Variants in TOP3B observed in about 807,000 individuals in gnomAD.
The protein encoded by TOP3B is DNA topoisomerase 3-beta-1.
TOP3B carries 45 observed loss-of-function variants against 93.9 expected under a neutral mutation model. The observed-to-expected ratio is 0.48, with a 90% CI of 0.38 to 0.61. TOP3B has a LOEUF of 0.61. Ranked by LOEUF, TOP3B falls within the 20% of genes least tolerant of loss-of-function variation. The pLI is 0.00. For missense variants in TOP3B, 750 were observed against 1,156.1 expected (o/e 0.65, Z 5.09); for synonymous variants, 357 against 472.6 (o/e 0.76, Z 3.17).
chr22:21,965,621 C>T, intron 8 of TOP3B: 1 of 254,554 alleles, frequency 3.9e-6, no homozygotes, highest in East Asian at 7.6e-5. Flanking sequence ...AATCCCAGTA[C>T]TTTGGGAGGC....
chr22:21,975,430 G>T, intron 2 of TOP3B: 1 of 486,824 alleles, frequency 2.1e-6, no homozygotes, highest in South Asian at 3.8e-5. Context: ...ATTGTAAATT[G>T]TGCCTTGTGC....
At chr22:21,964,124 C>A in intron 10 of TOP3B, 37 bp downstream of exon 10, 1 of 1,610,328 alleles carries the variant, frequency 6.2e-7, no homozygotes, top group Non-Finnish European at 8.5e-7. Flanking sequence ...GCCTCAGTGA[C>A]ACACACACAT....
rs1390973497 is a variant in TOP3B at position 21,963,773 on chromosome 22, G to C, written c.1204+150C>G. 4.2e-6 allele frequency: 3 copies of C among 721,774 alleles called. No individual in the cohort carries two copies. The African/African-American group carries it at 5.3e-5, about 13-fold the overall frequency. The allele number at this position is 721,774 out of a possible 1,614,324, so 44.7% of individuals were successfully genotyped here. ...CCTGTCCTGGTCCCATAGCAATGGA[G>C]CTCATCTTCCAGGTGGCCCCCCATC... is the stretch of plus-strand genomic sequence containing the variant. On this transcript the variant is annotated intron_variant, in intron 11 of 17. Coordinates refer to ENST00000357179, the MANE Select transcript of TOP3B (RefSeq NM_001282112.2). This position sits in a 1 kb window ranked among gnomAD's most constrained non-coding sequence, Gnocchi z 4.8.
intron 1 of TOP3B, among the ~76,000 whole-genome samples, chr22:21,980,184 A>G (rs1224548538): frequency 6.6e-6 from 1 of 152,288 alleles, no homozygotes; most frequent in East Asian, 1.9e-4. Context: ...CGCAAAACAA[A>G]CAGTCCAAGC....
intron 13 of TOP3B, chr22:21,961,730 G>T (rs1003407135): frequency 6.4e-6 from 1 of 157,298 alleles, no homozygotes; most frequent in African/African-American, 2.4e-5. Flanking sequence ...ACATCCCACA[G>T]GTCTCCAGAG....
chr22:21,973,843 C>T (rs751404647), intron 3 of TOP3B: 1 of 152,784 alleles, frequency 6.5e-6, no homozygotes, highest in Non-Finnish European at 1.5e-5. Context: ...CGTCATTGCC[C>T]ACATCCCCAG....
chr22:21,975,476 G>A (rs144362173), intron 2 of TOP3B, 164 bp downstream of exon 2: 5 of 705,280 alleles, frequency 7.1e-6, no homozygotes, highest in East Asian at 3.1e-5. Flanking sequence ...ATTGCCAGGA[G>A]TGGAAGCAAA....
chr22:21,968,746 T>A lies in TOP3B; in HGVS notation c.611A>T (p.Tyr204Phe), dbSNP rs1179265688. ...GATGAGAGAGCTGTCTAAATCACCG[T>A]ATTTCCCCTGGAAATATTTAGTCTG... The part of the protein sequence containing the change: ...RFQTKYFQGK[Y>F]GDLDSSLISF... The change falls in exon 7 of 18, where the codon TAC becomes TTC. Residue 204 changes from tyrosine to phenylalanine, a missense_variant. Tyr to Phe is a conservative substitution (Grantham distance 22). Transcript: ENST00000357179. 6.2e-7 allele frequency: 1 copy of A among 1,614,208 alleles called. No homozygotes were observed. Among genetic ancestry groups the A allele is most frequent in the African/African-American group, 1.3e-5 (1 of 75,062 alleles).
Position 21,971,179 on chromosome 22 carries a change from C to T in TOP3B, c.384+698G>A, listed in dbSNP as rs1219911583. On this transcript the variant is annotated intron_variant, in intron 5 of 17. Coordinates refer to ENST00000357179, the MANE Select transcript of TOP3B (RefSeq NM_001282112.2). This position sits in a 1 kb window ranked among gnomAD's most constrained non-coding sequence, Gnocchi z 4.6. Reference sequence around the variant, plus strand: ...TATCTGGGAAGAGACAGAGTGTGATCGCATTTGCTGAGGGTGCTGTACTGC... The same window carrying T: ...TATCTGGGAAGAGACAGAGTGTGATTGCATTTGCTGAGGGTGCTGTACTGC... 9 of 613,412 alleles carry T rather than the reference C, an allele frequency of 1.5e-5. No individual in the cohort carries two copies. The highest frequency in any genetic ancestry group is 6.6e-5 in the Admixed American group (2 of 30,518). 38.0% of individuals were successfully genotyped at this position (613,412 alleles called of 1,614,324 possible).
Position 21,963,792 on chromosome 22 carries a change from C to A in TOP3B, c.1204+131G>T, listed in dbSNP as rs564275007. 16 of 894,402 alleles carry A rather than the reference C, an allele frequency of 1.8e-5. No homozygotes were observed. In the East Asian group the frequency reaches 4.1e-4, roughly 23 times the overall value. The allele number at this position is 894,402 out of a possible 1,614,324, so 55.4% of individuals were successfully genotyped here. The stretch of plus-strand genomic sequence containing the variant: ...AATGGAGCTCATCTTCCAGGTGGCC[C>A]CCCATCCCCACAGCCAGGGCAGGCA... On this transcript the variant is annotated intron_variant, in intron 11 of 17. Coordinates refer to ENST00000357179, the MANE Select transcript of TOP3B (RefSeq NM_001282112.2). This position sits in a 1 kb window ranked among gnomAD's most constrained non-coding sequence, Gnocchi z 4.8.
chr22:21,978,377 G>C (rs951154220), intron 1 of TOP3B, among the ~76,000 whole-genome samples: 1 of 152,146 alleles, frequency 6.6e-6, no homozygotes, highest in African/African-American at 2.4e-5. Flanking sequence ...CCAGGAGTTT[G>C]AGAAGAGCCT....
Position 21,962,471 on chromosome 22 carries a change from T to C in TOP3B, c.1483A>G (p.Thr495Ala). The C allele has an allele frequency of 6.2e-7, 1 of 1,613,676 alleles. No homozygotes were observed. Among genetic ancestry groups the C allele is most frequent in the Non-Finnish European group, 8.5e-7 (1 of 1,180,006 alleles). ...ATGAGCGTGATGAGCTCGGCCTCCG[T>C]CAGGTAGTCGGGTGGGTTCGTCTGC... ...EKQTNPPDYL[T>A]EAELITLMEK... The change falls in exon 13 of 18, where the codon ACG becomes GCG. Residue 495 changes from threonine to alanine, a missense_variant. Thr to Ala is a moderately conservative substitution (Grantham distance 58). Around this residue, in one of 4 missense-constraint regions of TOP3B, gnomAD observed 737 missense variants for 933.7 expected, o/e 0.79. Coordinates refer to ENST00000357179, the MANE Select transcript of TOP3B (RefSeq NM_001282112.2).
In TOP3B at chr22:21,963,553, C is replaced by A; in HGVS notation, c.1204+370G>T. The A allele has an allele frequency of 7.1e-6, 2 of 283,540 alleles. No individual in the cohort carries two copies. Among genetic ancestry groups the A allele is most frequent in the Non-Finnish European group, 1.4e-5 (2 of 147,648 alleles). The allele number at this position is 283,540 out of a possible 1,614,324, so 17.6% of individuals were successfully genotyped here. ...TGTCCACAGGTGGCTCCTGTCTCTA[C>A]CTGCACTGCTCTCCCTTCCTCATTT... On this transcript the variant is annotated intron_variant, in intron 11 of 17. Coordinates refer to ENST00000357179, the MANE Select transcript of TOP3B (RefSeq NM_001282112.2). This position sits in a 1 kb window ranked among gnomAD's most constrained non-coding sequence, Gnocchi z 4.8.
At chr22:21,961,996 G>T in intron 13 of TOP3B, 1 of 709,018 alleles carries the variant, frequency 1.4e-6, no homozygotes, top group Non-Finnish European at 1.9e-6. Context: ...CCCTGTGCCT[G>T]GGACAGGCAT....
chr22:21,975,841 G>A (rs1260249164), intron 1 of TOP3B, 34 bp from the exon 2 acceptor site: 2 of 1,278,058 alleles, frequency 1.6e-6, no homozygotes, highest in Non-Finnish European at 1.0e-6. Flanking sequence ...GGATAGCAAT[G>A]CTGTCAATAG....
intron 8 of TOP3B, 80 bp from the exon 9 acceptor site, chr22:21,965,455 T>C: frequency 1.2e-6 from 1 of 839,354 alleles, no homozygotes; most frequent in Non-Finnish European, 1.8e-6. Flanking sequence ...GGACGAAGGG[T>C]CTGGTTTCAT....
At position 21,959,169 on chromosome 22, in the gene TOP3B, C is replaced by T. The variant is rs1465588241; in HGVS notation, c.1868G>A (p.Arg623His). The change falls in exon 16 of 18, where the codon CGC becomes CAC. Residue 623 changes from arginine (R) to histidine (H), a missense_variant. Physicochemically the swap from Arg to His is conservative, Grantham distance 29. This residue lies in a region of TOP3B where 737 missense variants were observed against 933.7 expected (regional missense o/e 0.79). Coordinates refer to ENST00000357179, the MANE Select transcript of TOP3B (RefSeq NM_001282112.2). ...PLAATGKPLS[R>H]CGKCHRFMKY... is the part of the protein sequence containing the mutation. ...CATGAAGCGGTGGCACTTCCCACAG[C>T]GTGAGAGGGGCTTGCCTGTGGCCGC... The T allele has an allele frequency of 4.3e-6, 7 of 1,613,842 alleles. No individual in the cohort carries two copies. Among genetic ancestry groups the T allele is most frequent in the East Asian group, 2.2e-5 (1 of 44,878 alleles).
intron 4 of TOP3B, 182 bp downstream of exon 4, chr22:21,972,430 G>A (rs1178507893): frequency 3.6e-6 from 2 of 562,346 alleles, no homozygotes; most frequent in Non-Finnish European, 6.2e-6. Flanking sequence ...AATGGCAACT[G>A]CCTTGTGTGT....
In TOP3B at chr22:21,958,533, G is replaced by A. The variant is rs769215648; in HGVS notation, c.2066C>T (p.Pro689Leu). Reference sequence around the variant, plus strand: ...GAAGGGTGGGTGGTTGTAGCAGTAGGGGCACAGCGGGTAGCTCTTGCCCCG... The same window carrying A: ...GAAGGGTGGGTGGTTGTAGCAGTAGAGGCACAGCGGGTAGCTCTTGCCCCG... ...GSRGKSYPLC[P>L]YCYNHPPFRD... is the part of the protein sequence containing the mutation. Residue 689 changes from proline to leucine, a missense_variant, in exon 17 of 18, where the codon CCC becomes CTC. Physicochemically the swap from Pro to Leu is moderately conservative, Grantham distance 98. Coordinates refer to ENST00000357179, the MANE Select transcript of TOP3B (RefSeq NM_001282112.2). The A allele has an allele frequency of 1.2e-6, 2 of 1,614,084 alleles. No homozygotes were observed. Among genetic ancestry groups the A allele is most frequent in the South Asian group, 1.1e-5 (1 of 91,078 alleles).
Sources: gnomAD v4.1 joint callset for allele counts (sites outside exome capture counted in the v4.1 genomes callset) on GRCh38, gnomAD v4.1.1 for gene constraint, gnomAD v4.1.1 regional missense constraint, Gnocchi (gnomAD v3.1) non-coding constraint, MANE v1.5 for transcripts, NCBI Gene and HGNC (gene_info 2026-07-23, HGNC 2026-07-21) for gene names.